The following HFM1 variants were observed in gnomAD, a reference collection of about 807,000 sequenced individuals.
HFM1 encodes the protein helicase for meiosis 1, also known as probable ATP-dependent DNA helicase HFM1.
Under a neutral mutation model 192.1 loss-of-function variants are expected in HFM1, and 169 were observed. The ratio of observed to expected loss-of-function variants is 0.88; its 90% CI spans 0.78 to 1.00. The LOEUF (loss-of-function observed/expected upper bound fraction) is 1.00, where lower values mean the gene tolerates loss of function less well. HFM1 is among the 50% of genes least tolerant of loss of function. HFM1 has a pLI of 0.00. For synonymous variants in HFM1, 525 were observed against 537.8 expected (o/e 0.98, Z 0.33); for missense variants, 1,661 against 1,668.0 (o/e 1.00, Z 0.07).
chr1:91,316,499 C>T (rs1000932469), intron 25 of HFM1, 23 bp from the exon 26 acceptor site: 8 of 1,145,954 alleles, frequency 7.0e-6, no homozygotes, highest in African/African-American at 1.6e-5. Context: ...AATCAAACAA[C>T]AACTTAAAAA....
At chr1:91,287,254 T>C (rs1668100928) in intron 30 of HFM1, among the ~76,000 whole-genome samples, 1 of 152,220 alleles carries the variant, frequency 6.6e-6, no homozygotes. Context: ...CAGACTTAAA[T>C]GTCCCTGTCT....
chr1:91,358,142 GATCAAGACT>G (rs1412997006), intron 13 of HFM1, among the ~76,000 whole-genome samples: 4 of 152,080 alleles, frequency 2.6e-5, no homozygotes, highest in Non-Finnish European at 5.9e-5. Context: ...AAGGTCAGGA[GATCAAGACT>G]ATCCTGGCTA....
At chr1:91,272,490 G>T (rs977380738) in intron 34 of HFM1, among the ~76,000 whole-genome samples, 4 of 151,976 alleles carry the variant, frequency 2.6e-5, no homozygotes, top group Non-Finnish European at 4.4e-5. Flanking sequence ...GAGTGGGAAA[G>T]AAAAGTAGGA....
intron 23 of HFM1, among the ~76,000 whole-genome samples, chr1:91,322,512 T>C (rs767295748): frequency 2.0e-5 from 3 of 152,094 alleles, no homozygotes; most frequent in African/African-American, 7.2e-5. Flanking sequence ...CTGTACAAAC[T>C]CCCCATTTTT....
chr1:91,352,833 C>A (rs1657139057), intron 15 of HFM1, among the ~76,000 whole-genome samples, 182 bp from the exon 16 acceptor site: 1 of 151,806 alleles, frequency 6.6e-6, no homozygotes, highest in Non-Finnish European at 1.5e-5. Context: ...CTATTAAATT[C>A]TTGTTTTTCA....
chr1:91,295,234 T>C (rs1218401241), intron 30 of HFM1, among the ~76,000 whole-genome samples: 1 of 152,222 alleles, frequency 6.6e-6, no homozygotes, highest in Non-Finnish European at 1.5e-5. Context: ...AGGAGTTCTT[T>C]ATATATTATG....
chr1:91,294,389 T>C (rs1350773877), intron 30 of HFM1, among the ~76,000 whole-genome samples: 1 of 152,340 alleles, frequency 6.6e-6, no homozygotes, highest in Non-Finnish European at 1.5e-5. Context: ...ATTACCTTTT[T>C]GTGTCTGGCT....
Position 91,336,234 on chromosome 1 carries a change from CCCTCCCTTCCTT to C in HFM1, c.2335+7184_2335+7195del, listed in dbSNP as rs552458733. Among the ~76,000 whole-genome samples the C allele has an allele frequency of 2.2e-3, 328 of 148,514 alleles. 1 individual carries two copies. The highest frequency in any genetic ancestry group is 7.6e-3 in the African/African-American group (308 of 40,672). On this transcript the variant is annotated intron_variant, in intron 20 of 38. Transcript: ENST00000370425. ...TATCTCTATCTCTCTCTCCCTCCCT[CCCTCCCTTCCTT>C]CCTCCCTTCCTTCCAGAGTTATGGG...
intron 6 of HFM1, 129 bp downstream of exon 6, chr1:91,385,057 CA>C: frequency 1.5e-6 from 1 of 662,840 alleles, no homozygotes; most frequent in South Asian, 2.1e-5. Context: ...GTACCTCTTA[CA>C]ACACCAAAAA....
At chr1:91,364,589 T>TATATAC (rs1368509112) in intron 13 of HFM1, among the ~76,000 whole-genome samples, 15 of 140,894 alleles carry the variant, frequency 1.1e-4, no homozygotes, top group African/African-American at 3.9e-4. Context: ...TGTGTGTGTA[T>TATATAC]ATATACATAT....
At chr1:91,324,879 C>A in intron 20 of HFM1, 113 bp from the exon 21 acceptor site, 1 of 688,686 alleles carries the variant, frequency 1.5e-6, no homozygotes. Context: ...AGAACAGAAG[C>A]CTAGACCATT....
At chr1:91,384,471 T>C (rs1661931415) in intron 6 of HFM1, among the ~76,000 whole-genome samples, 1 of 152,094 alleles carries the variant, frequency 6.6e-6, no homozygotes, top group African/African-American at 2.4e-5. Flanking sequence ...AACTCCAAAT[T>C]AGATTTTCAA....
At chr1:91,375,496 T>C (rs1660799765) in intron 12 of HFM1, 31 bp downstream of exon 12, 4 of 1,609,812 alleles carry the variant, frequency 2.5e-6, no homozygotes, top group South Asian at 2.2e-5. Context: ...AAACTGAATA[T>C]ACTAAAAAAT....
At position 91,299,333 on chromosome 1, in the gene HFM1, T is replaced by C. The variant is rs542942654; in HGVS notation, c.3391+14016A>G. ...GACTTAGACTCCCACACAATAATAA[T>C]GGGAGACTTTCACACCCCACTGTCA... On this transcript the variant is annotated intron_variant, in intron 30 of 38. Coordinates refer to ENST00000370425, the MANE Select transcript of HFM1 (RefSeq NM_001017975.6). Among the ~76,000 whole-genome samples the C allele has an allele frequency of 3.1e-4, 47 of 152,252 alleles. No homozygotes were observed. In the South Asian group the frequency reaches 8.7e-3, roughly 28 times the overall value.
chr1:91,271,633 G>T (rs1254511841), intron 34 of HFM1, among the ~76,000 whole-genome samples: 1 of 152,024 alleles, frequency 6.6e-6, no homozygotes, highest in Non-Finnish European at 1.5e-5. Flanking sequence ...AAGATTACAG[G>T]AGGAGAGATA....
At chr1:91,338,344 G>A (rs1450589773) in intron 20 of HFM1, among the ~76,000 whole-genome samples, 1 of 152,132 alleles carries the variant, frequency 6.6e-6, no homozygotes, top group Non-Finnish European at 1.5e-5. Flanking sequence ...TTGACTGTTG[G>A]ACCTAGACAG....
At chr1:91,393,381 T>C (rs1329695588) in intron 4 of HFM1, among the ~76,000 whole-genome samples, 7 of 152,280 alleles carry the variant, frequency 4.6e-5, no homozygotes, top group African/African-American at 1.7e-4. Context: ...ACTGAATATC[T>C]GAACTATTTA....
At chr1:91,401,210 C>G in intron 1 of HFM1, 101 bp from the exon 2 acceptor site, 1 of 596,010 alleles carries the variant, frequency 1.7e-6, no homozygotes, top group Non-Finnish European at 2.9e-6. Flanking sequence ...TAAAATATAA[C>G]CACAGACTAT....
At chr1:91,274,212 T>C (rs971481281) in intron 33 of HFM1, among the ~76,000 whole-genome samples, 1 of 151,930 alleles carries the variant, frequency 6.6e-6, no homozygotes, top group African/African-American at 2.4e-5. Context: ...CCTAAGGCCT[T>C]CTGCTTGCTA....
Sources: gnomAD v4.1 joint callset for allele counts (sites outside exome capture counted in the v4.1 genomes callset) on GRCh38, gnomAD v4.1.1 for gene constraint, MANE v1.5 for transcripts, NCBI Gene and HGNC (gene_info 2026-07-23, HGNC 2026-07-21) for gene names.